MEIOB: variants seen among roughly 807,000 people sequenced by gnomAD.
The protein encoded by MEIOB is meiosis specific with OB-fold.
In MEIOB, 50 loss-of-function variants were observed where a neutral mutation model predicts 53.1. The ratio of observed to expected loss-of-function variants is 0.94; its 90% CI spans 0.75 to 1.19. MEIOB has a LOEUF of 1.19. Ranked by LOEUF, MEIOB falls within the 50% of genes most tolerant of loss-of-function variation. MEIOB has a pLI of 0.00. For missense variants in MEIOB, 551 were observed against 550.8 expected (o/e 1.00, Z 0.00); for synonymous variants, 192 against 182.5 (o/e 1.05, Z -0.42).
At chr16:1,859,447 G>A (rs1195828979) in intron 5 of MEIOB, among the ~76,000 whole-genome samples, 2 of 152,200 alleles carry the variant, frequency 1.3e-5, no homozygotes, top group East Asian at 3.9e-4. Flanking sequence ...AGGCTGAGGT[G>A]GGAGAATGGT....
chr16:1,834,934 C>T (rs1691594119), intron 13 of MEIOB, among the ~76,000 whole-genome samples: 1 of 109,818 alleles, frequency 9.1e-6, no homozygotes, highest in African/African-American at 3.4e-5. Flanking sequence ...AAACTCTGTC[C>T]CCCCCACCCC....
Position 1,839,330 on chromosome 16 carries a change from A to G in MEIOB, c.1143T>C (p.Asp381=), listed in dbSNP as rs370800787. Residue 381 remains aspartate (D), a synonymous_variant, in exon 12 of 14, where the codon GAT becomes GAC. Transcript: ENST00000325962. ...SVFLSFHVLI[D]LTDHTGTLHS... ...GAAGGGTGCCTGTGTGATCAGTCAG[A>G]TCAATCAGCACATGGAAACTGAGAA... 2.2e-5 allele frequency: 35 copies of G among 1,614,164 alleles called. No individual in the cohort carries two copies. Among genetic ancestry groups the G allele is most frequent in the Non-Finnish European group, 2.9e-5 (34 of 1,180,052 alleles).
rs1421995230 is a variant in MEIOB, at chr16:1,860,458, G to C, written c.277C>G (p.Leu93Val). 1.9e-5 allele frequency: 30 copies of C among 1,545,114 alleles called. No homozygotes were observed. The highest frequency in any genetic ancestry group is 2.7e-5 in the African/African-American group (2 of 72,876). The stretch of plus-strand genomic sequence containing the variant: ...CTTTCTATTTCCTTTCTTTGGATCA[G>C]AGGATTTTCAATTATCACTAAAACA... ...VGDCVIIENP[L>V]IQRKEIEREE... The change falls in exon 5 of 14, where the codon CTG becomes GTG. Residue 93 changes from leucine to valine, a missense_variant. Leu to Val is a conservative substitution (Grantham distance 32). Coordinates refer to ENST00000325962, the MANE Select transcript of MEIOB (RefSeq NM_001163560.3).
intron 10 of MEIOB, among the ~76,000 whole-genome samples, 197 bp from the exon 11 acceptor site, chr16:1,842,170 G>C (rs969059703): frequency 6.6e-6 from 1 of 152,080 alleles, no homozygotes; most frequent in African/African-American, 2.4e-5. Flanking sequence ...AATGAAATTA[G>C]TCTTCATTAA....
chr16:1,840,278 T>G (rs1898866086), intron 11 of MEIOB: 1 of 152,198 alleles, frequency 6.6e-6, no homozygotes, highest in Non-Finnish European at 1.5e-5. Flanking sequence ...TCCTCCACAT[T>G]ACTTTTTTCA....
At chr16:1,847,001 A>T (rs1216000652) in intron 9 of MEIOB, among the ~76,000 whole-genome samples, 2 of 151,972 alleles carry the variant, frequency 1.3e-5, no homozygotes, top group African/African-American at 4.8e-5. Context: ...CTAAAATACA[A>T]AAAATTAGCC....
intron 2 of MEIOB, among the ~76,000 whole-genome samples, chr16:1,866,996 T>C (rs1285763136): frequency 1.3e-5 from 2 of 152,210 alleles, no homozygotes; most frequent in African/African-American, 4.8e-5. Flanking sequence ...AATGGAAATG[T>C]TGAGTAAAAC....
At chr16:1,860,318 C>T (rs1294029248) in intron 5 of MEIOB, 85 bp downstream of exon 5, 2 of 717,468 alleles carry the variant, frequency 2.8e-6, no homozygotes, top group African/African-American at 3.6e-5. Context: ...AAACAGAACA[C>T]TTTTAGTAAG....
At chr16:1,845,709 T>C (rs1356868303) in intron 9 of MEIOB, among the ~76,000 whole-genome samples, 1 of 152,170 alleles carries the variant, frequency 6.6e-6, no homozygotes, top group Non-Finnish European at 1.5e-5. Context: ...AATTGAAATA[T>C]ATAAAATAGG....
chr16:1,848,471 A>C (rs1178396336), intron 9 of MEIOB, among the ~76,000 whole-genome samples: 1 of 149,980 alleles, frequency 6.7e-6, no homozygotes, highest in East Asian at 2.0e-4. Flanking sequence ...TCCCTCCCGC[A>C]TGTCTGGCAT....
intron 3 of MEIOB, among the ~76,000 whole-genome samples, chr16:1,863,420 CTT>C (rs1267457004): frequency 1.3e-5 from 2 of 149,524 alleles, no homozygotes; most frequent in South Asian, 2.1e-4. Flanking sequence ...GAGTTTCGCT[CTT>C]GTTACCCAGG....
chr16:1,847,685 G>T (rs1899061714), intron 9 of MEIOB, among the ~76,000 whole-genome samples: 1 of 152,102 alleles, frequency 6.6e-6, no homozygotes, highest in Admixed American at 6.6e-5. Flanking sequence ...ACTTTAATAT[G>T]ACCTACTGAT....
chr16:1,856,366 C>A (rs1422577504), intron 6 of MEIOB, among the ~76,000 whole-genome samples: 1 of 151,422 alleles, frequency 6.6e-6, no homozygotes, highest in African/African-American at 2.4e-5. Flanking sequence ...GTCGCCCAGG[C>A]TGGAGTGCAG....
chr16:1,868,212 A>T (rs1199989555), intron 1 of MEIOB, 28 bp from the exon 2 acceptor site: 6 of 1,150,072 alleles, frequency 5.2e-6, no homozygotes, highest in African/African-American at 1.5e-5. Flanking sequence ...TAATTTAGAT[A>T]TATAAATTGA....
intron 2 of MEIOB, among the ~76,000 whole-genome samples, chr16:1,867,387 G>A (rs1899619867): frequency 6.7e-6 from 1 of 150,174 alleles, no homozygotes; most frequent in African/African-American, 2.5e-5. Flanking sequence ...CATAAAAGCA[G>A]CATAATGTCA....
In MEIOB at chr16:1,853,151, C is replaced by A; in HGVS notation, c.683-17G>T. The A allele has an allele frequency of 6.3e-7, 1 of 1,596,866 alleles. No homozygotes were observed. Among genetic ancestry groups the A allele is most frequent in the Non-Finnish European group, 8.6e-7 (1 of 1,167,722 alleles). ...CAAATATTACTGTTTGGGAAAAAAGCCATTTAAAATTATTACATGGGAGGA... is the reference window on the plus strand; with the variant it reads ...CAAATATTACTGTTTGGGAAAAAAGACATTTAAAATTATTACATGGGAGGA... On this transcript the variant is annotated splice_polypyrimidine_tract_variant and intron_variant, in intron 8 of 13. Transcript: ENST00000325962.
chr16:1,834,056 T>G lies in MEIOB; in HGVS notation c.*200A>C, dbSNP rs1898673917. 4 of 474,334 alleles carry G rather than the reference T, an allele frequency of 8.4e-6. No homozygotes were observed. The highest frequency in any genetic ancestry group is 1.5e-5 in the Non-Finnish European group (4 of 269,066). 29.4% of individuals were successfully genotyped at this position (474,334 alleles called of 1,614,324 possible). A position where few individuals can be genotyped will look rare whatever the true frequency, so the allele number is the denominator to read the frequency against. Reference sequence around the variant, plus strand: ...TTGGGAGGAGACAAGGCAAAGACAGTAGGAGGCCTTCTAAGAAGGGAGGTC... The same window carrying G: ...TTGGGAGGAGACAAGGCAAAGACAGGAGGAGGCCTTCTAAGAAGGGAGGTC... On this transcript the variant is annotated 3_prime_UTR_variant, in exon 14 of 14. Transcript: ENST00000325962.
chr16:1,849,415 G>A (rs917622992), intron 9 of MEIOB, among the ~76,000 whole-genome samples: 14 of 151,934 alleles, frequency 9.2e-5, no homozygotes, highest in African/African-American at 2.7e-4. Context: ...GTGTGGTGGC[G>A]GGCACCTGTC....
At chr16:1,848,661 G>T (rs1259560937) in intron 9 of MEIOB, among the ~76,000 whole-genome samples, 1 of 149,612 alleles carries the variant, frequency 6.7e-6, no homozygotes, top group African/African-American at 2.5e-5. Flanking sequence ...TCCTGCCTTA[G>T]CCTCCCTAGT....
Sources: allele counts gnomAD v4.1 joint callset (sites outside exome capture counted in the v4.1 genomes callset), GRCh38; gene constraint gnomAD v4.1.1; transcripts MANE v1.5; gene names NCBI Gene and HGNC (gene_info 2026-07-23, HGNC 2026-07-21).